KIF26B: variants seen among roughly 807,000 people sequenced by gnomAD.
KIF26B encodes kinesin family member 26B.
In KIF26B, 63 loss-of-function variants were observed where a neutral mutation model predicts 151.2. The ratio of observed to expected loss-of-function variants is 0.42; its 90% CI spans 0.34 to 0.51. The LOEUF is 0.51. KIF26B is among the 20% of genes least tolerant of loss of function. The pLI, the probability that KIF26B is intolerant of heterozygous loss-of-function variation, is 0.07. For synonymous variants in KIF26B, 1,357 were observed against 1,262.1 expected, an observed-to-expected ratio of 1.08 and a Z score of -1.59; for missense variants, 2,813 against 2,913.6, an observed-to-expected ratio of 0.97 and a Z score of 0.79.
intron 4 of KIF26B, among the ~76,000 whole-genome samples, chr1:245,465,567 C>T (rs532740079): frequency 6.6e-5 from 10 of 152,336 alleles, no homozygotes; most frequent in Admixed American, 5.2e-4. Flanking sequence ...GTTTCCTTCC[C>T]ATTTACACAG....
chr1:245,698,933 A>C lies in KIF26B; in HGVS notation c.6074A>C (p.Gln2025Pro). 6.2e-7 allele frequency: 1 copy of C among 1,614,052 alleles called. No homozygotes were observed. The highest frequency in any genetic ancestry group is 1.1e-5 in the South Asian group (1 of 91,088). ...AAGCTGAAGATTCTGGAACACCGCC[A>C]GCAGAGGATCGCCGAGGTCCGCGCG... The part of the protein sequence containing the change: ...NAKLKILEHR[Q>P]QRIAEVRAKY... Residue 2025 changes from glutamine (Q) to proline (P), a missense_variant, in exon 14 of 15, where the codon CAG (glutamine) becomes CCG (proline). Transcript: ENST00000407071. The surrounding 1 kb of genome is among the most constrained non-coding windows in gnomAD (Gnocchi z 4.0).
intron 2 of KIF26B, among the ~76,000 whole-genome samples, chr1:245,321,365 ACT>A (rs1253043365): frequency 6.6e-6 from 1 of 152,014 alleles, no homozygotes; most frequent in Non-Finnish European, 1.5e-5. Context: ...ATGAAGGTAA[ACT>A]CTTAAACAAG....
intron 10 of KIF26B, among the ~76,000 whole-genome samples, chr1:245,666,177 T>G (rs896925903): frequency 4.6e-5 from 7 of 151,768 alleles, no homozygotes; most frequent in African/African-American, 1.5e-4. Context: ...ATTTTTTTTG[T>G]TTTTAGTATA....
At position 245,431,413 on chromosome 1, in the gene KIF26B, C is replaced by T. The variant is rs576678830; in HGVS notation, c.1166+11668C>T. Among the ~76,000 whole-genome samples the T allele has an allele frequency of 5.0e-4, 73 of 145,792 alleles. 1 individual carries two copies. Among genetic ancestry groups the T allele is most frequent in the Admixed American group, 2.1e-3 (30 of 14,604 alleles). On this transcript the variant is annotated intron_variant, in intron 4 of 14. Transcript: ENST00000407071. ...AGGCTAGGGTGCAGTGGTGCGATCT[C>T]GGCTCACTGCAACCTCTGCCTCCCG...
Position 245,307,896 on chromosome 1 carries a change from A to G in KIF26B, c.466-58938A>G, listed in dbSNP as rs553719512. 1.2e-3 allele frequency among the ~76,000 whole-genome samples: 185 copies of G among 152,264 alleles called. 1 individual carries two copies. The highest frequency in any genetic ancestry group is 2.2e-3 in the Admixed American group (34 of 15,300). ...GCTGGGACTACAGGTGCCCGCCACC[A>G]CGCCCGGCTAATTTTTTGTATTTTT... is the stretch of plus-strand genomic sequence containing the variant. On this transcript the variant is annotated intron_variant, in intron 2 of 14. Transcript: ENST00000407071.
intron 2 of KIF26B, among the ~76,000 whole-genome samples, chr1:245,323,935 G>A (rs1257233002): frequency 6.6e-6 from 1 of 151,052 alleles, no homozygotes; most frequent in African/African-American, 2.4e-5. Context: ...AGGTGGGGTA[G>A]ACCCTTATGT....
At chr1:245,548,250 C>T (rs146061216) in intron 5 of KIF26B, among the ~76,000 whole-genome samples, 1 of 151,864 alleles carries the variant, frequency 6.6e-6, no homozygotes, top group East Asian at 1.9e-4. Flanking sequence ...AGTGCCAGCT[C>T]AGTGCTAGAA....
chr1:245,310,096 A>T lies in KIF26B; in HGVS notation c.466-56738A>T, dbSNP rs1263827526. Among the ~76,000 whole-genome samples the T allele has an allele frequency of 4.0e-5, 6 of 148,166 alleles. No homozygotes were observed. In the East Asian group the frequency reaches 1.2e-3, roughly 29 times the overall value. On this transcript the variant is annotated intron_variant, in intron 2 of 14. Coordinates refer to ENST00000407071, the MANE Select transcript of KIF26B (RefSeq NM_018012.4). ...TAATATTTATTTTATATAATAAATC[A>T]ATAAATATATATCTCACTATATATA...
In KIF26B at chr1:245,540,235, A is replaced by G. The variant is rs1293483645; in HGVS notation, c.1167-532A>G. The stretch of plus-strand genomic sequence containing the variant: ...AGTTCACCTTCTGATTTGGTGGTAT[A>G]TTTCTAAAACCAGTTTGATTTTTCC... On this transcript the variant is annotated intron_variant, in intron 4 of 14. Coordinates refer to ENST00000407071, the MANE Select transcript of KIF26B (RefSeq NM_018012.4). The surrounding 1 kb of genome is among the most constrained non-coding windows in gnomAD (Gnocchi z 4.6). 1.3e-5 allele frequency among the ~76,000 whole-genome samples: 2 copies of G among 152,126 alleles called. No individual in the cohort carries two copies. The highest frequency in any genetic ancestry group is 4.8e-5 in the African/African-American group (2 of 41,424).
intron 12 of KIF26B, among the ~76,000 whole-genome samples, chr1:245,697,392 GT>G (rs2044709521): frequency 6.6e-6 from 1 of 152,214 alleles, no homozygotes; most frequent in African/African-American, 2.4e-5. Context: ...CGTGTGAAGT[GT>G]GTGAAATAGT....
chr1:245,289,400 G>GA (rs1047440986), intron 2 of KIF26B, among the ~76,000 whole-genome samples: 8 of 152,092 alleles, frequency 5.3e-5, no homozygotes, highest in South Asian at 2.1e-4. Context: ...GTATGGACTT[G>GA]AAAAAATCAT....
chr1:245,593,214 T>C (rs1286398958), intron 5 of KIF26B, among the ~76,000 whole-genome samples: 4 of 152,202 alleles, frequency 2.6e-5, no homozygotes, highest in Non-Finnish European at 4.4e-5. Flanking sequence ...GATACATGTA[T>C]AGAATGTGCA....
At chr1:245,603,632 C>T (rs1201417959) in intron 6 of KIF26B, among the ~76,000 whole-genome samples, 2 of 152,136 alleles carry the variant, frequency 1.3e-5, no homozygotes, top group Non-Finnish European at 2.9e-5. Context: ...GTCTCTCTTC[C>T]ACATTGTCGG....
At chr1:245,696,994 C>T (rs1170099618) in intron 12 of KIF26B, among the ~76,000 whole-genome samples, 4 of 152,116 alleles carry the variant, frequency 2.6e-5, no homozygotes, top group African/African-American at 9.7e-5. Context: ...GCCTGTAGTC[C>T]CAGCTACTTG....
chr1:245,426,847 G>A (rs915831976), intron 4 of KIF26B, among the ~76,000 whole-genome samples: 2 of 152,180 alleles, frequency 1.3e-5, no homozygotes, highest in African/African-American at 4.8e-5. Flanking sequence ...GACCATTATT[G>A]CCGCACTCTC....
At chr1:245,519,669 G>A (rs7551589) in intron 4 of KIF26B, among the ~76,000 whole-genome samples, 7,936 of 152,202 alleles carry the variant, frequency 0.052, 710 homozygotes, top group African/African-American at 0.18. Context: ...ATCATGGAGT[G>A]TACTTCCACA....
At chr1:245,157,143 G>C (rs1027352410) in intron 2 of KIF26B, among the ~76,000 whole-genome samples, 2 of 152,198 alleles carry the variant, frequency 1.3e-5, no homozygotes, top group African/African-American at 4.8e-5. Context: ...CGCGGTTGCA[G>C]AAACAGAAAC....
chr1:245,155,618 G>A (rs1047230346), intron 1 of KIF26B, 131 bp downstream of exon 1: 18 of 751,586 alleles, frequency 2.4e-5, no homozygotes, highest in Admixed American at 3.4e-5. Flanking sequence ...GGGCTGGCGG[G>A]GTTGTGAGTG....
rs1047824778 is a variant in KIF26B at position 245,512,117 on chromosome 1, G to A, written c.1167-28650G>A. Among the ~76,000 whole-genome samples the A allele has an allele frequency of 2.0e-5, 3 of 152,094 alleles. No individual in the cohort carries two copies. Among genetic ancestry groups the A allele is most frequent in the East Asian group, 3.8e-4 (2 of 5,198 alleles). On this transcript the variant is annotated intron_variant, in intron 4 of 14. Transcript: ENST00000407071. The surrounding 1 kb of genome is among the most constrained non-coding windows in gnomAD (Gnocchi z 4.3). ...GCAACTTTTTAAAAAAAGTCCATAC[G>A]GTAATGTTAATGCAGCTATTTCTGG...
Sources: allele counts gnomAD v4.1 joint callset (sites outside exome capture counted in the v4.1 genomes callset), GRCh38; gene constraint gnomAD v4.1.1; non-coding constraint Gnocchi (gnomAD v3.1); transcripts MANE v1.5; gene names NCBI Gene and HGNC (gene_info 2026-07-23, HGNC 2026-07-21).